ARMC2: variants seen among roughly 807,000 people sequenced by gnomAD.
The protein encoded by ARMC2 is armadillo repeat containing 2.
Under a neutral mutation model 90.3 loss-of-function variants are expected in ARMC2, and 67 were observed. That is an observed-to-expected ratio of 0.74 (90% CI 0.61 to 0.91). The LOEUF (loss-of-function observed/expected upper bound fraction) is 0.91. Ranked by LOEUF, ARMC2 falls within the 40% of genes least tolerant of loss-of-function variation. The pLI is 0.00. For missense variants in ARMC2, 920 were observed against 1,030.9 expected (o/e 0.89, Z 1.47); for synonymous variants, 393 against 393.0 (o/e 1.00, Z 0.00).
At chr6:108,969,908 G>A (rs1439986673) in intron 17 of ARMC2, among the ~76,000 whole-genome samples, 2 of 151,962 alleles carry the variant, frequency 1.3e-5, no homozygotes, top group African/African-American at 2.4e-5. Context: ...GGGTGTGTGT[G>A]TTTTGTAGTC....
the ARMC2 span, among the ~76,000 whole-genome samples, chr6:108,991,853 G>A: frequency 3.1e-4 from 47 of 152,216 alleles, no homozygotes; most frequent in Non-Finnish European, 5.7e-4. Flanking sequence ...TCAGAAGTAG[G>A]AATCTTTAGC....
At chr6:108,904,920 C>T (rs147703733) in intron 8 of ARMC2, among the ~76,000 whole-genome samples, 2 of 152,224 alleles carry the variant, frequency 1.3e-5, no homozygotes, top group East Asian at 3.9e-4. Context: ...GAAGGTACCT[C>T]AGTGGTCATA....
At chr6:108,952,001 C>T (rs1040921738) in intron 12 of ARMC2, among the ~76,000 whole-genome samples, 7 of 152,238 alleles carry the variant, frequency 4.6e-5, no homozygotes, top group Admixed American at 1.3e-4. Flanking sequence ...AAATCCTGAC[C>T]TTACCCTTCA....
the ARMC2 span, among the ~76,000 whole-genome samples, chr6:109,032,626 A>T: frequency 7.1e-6 from 1 of 141,452 alleles, no homozygotes; most frequent in Non-Finnish European, 1.5e-5. Flanking sequence ...TCGTGGGGGG[A>T]GTGGGGGGGA....
chr6:108,855,670 C>T (rs1774504301), intron 2 of ARMC2, among the ~76,000 whole-genome samples: 1 of 152,194 alleles, frequency 6.6e-6, no homozygotes. Flanking sequence ...TATCATTTTG[C>T]CTTCCCACCA....
intron 12 of ARMC2, among the ~76,000 whole-genome samples, chr6:108,939,849 A>T (rs1250117402): frequency 6.6e-6 from 1 of 152,200 alleles, no homozygotes; most frequent in Admixed American, 6.5e-5. Context: ...ATATTCAAAC[A>T]TATTGCATGT....
chr6:108,953,877 C>A (rs1777375334), intron 13 of ARMC2, among the ~76,000 whole-genome samples: 1 of 152,144 alleles, frequency 6.6e-6, no homozygotes, highest in Non-Finnish European at 1.5e-5. Context: ...TAACAAAATA[C>A]CACAGATTGG....
At chr6:109,052,954 C>G in the ARMC2 span, among the ~76,000 whole-genome samples, 1 of 151,990 alleles carries the variant, frequency 6.6e-6, no homozygotes, top group Non-Finnish European at 1.5e-5. Context: ...ATCAAACAAT[C>G]AATAAAGTAA....
chr6:109,032,566 C>T, the ARMC2 span, among the ~76,000 whole-genome samples: 277 of 147,502 alleles, frequency 1.9e-3, 2 homozygotes, highest in Admixed American at 5.0e-3. Flanking sequence ...TGCAATGAGC[C>T]GAGATTGGGC....
chr6:108,964,247 TCTC>T lies in ARMC2; in HGVS notation c.2224_2226del (p.Leu742del), dbSNP rs746533635. 1.2e-5 allele frequency: 20 copies of T among 1,613,968 alleles called. No individual in the cohort carries two copies. Among genetic ancestry groups the T allele is most frequent in the Admixed American group, 1.7e-5 (1 of 60,016 alleles). ...ATATCTGCTTTTCTGCCTGTGGTGT[TCTC>T]CTCAATCTCACTGTGGATAAAGACA... On this transcript the variant is annotated inframe_deletion, in exon 16 of 18. Transcript: ENST00000392644.
At chr6:108,970,537 G>A (rs1265843751) in intron 17 of ARMC2, among the ~76,000 whole-genome samples, 4 of 124,718 alleles carry the variant, frequency 3.2e-5, no homozygotes, top group Non-Finnish European at 4.8e-5. Flanking sequence ...TCTCACTGTC[G>A]CCCAGGCTGG....
intron 5 of ARMC2, among the ~76,000 whole-genome samples, chr6:108,883,136 A>G (rs879191356): frequency 6.6e-6 from 1 of 152,244 alleles, no homozygotes; most frequent in Admixed American, 6.5e-5. Flanking sequence ...AAGGAGAAGA[A>G]GACAGGCTGG....
At chr6:109,006,502 A>G in the ARMC2 span, among the ~76,000 whole-genome samples, 1 of 144,774 alleles carries the variant, frequency 6.9e-6, no homozygotes, top group Admixed American at 7.0e-5. Context: ...CCTGTGTCCA[A>G]GGAAAGCCCT....
chr6:108,964,420 T>C, intron 16 of ARMC2, 108 bp downstream of exon 16: 2 of 1,310,006 alleles, frequency 1.5e-6, no homozygotes, highest in Non-Finnish European at 2.1e-6. Flanking sequence ...TATTTCAACA[T>C]TGGGAAGCCC....
rs142922190 is a variant in ARMC2, at chr6:108,963,193, T to C, written c.2153-987T>C. Among the ~76,000 whole-genome samples the C allele has an allele frequency of 8.0e-3, 1,214 of 152,326 alleles. 25 individuals carry two copies. Among genetic ancestry groups the C allele is most frequent in the African/African-American group, 0.028 (1,159 of 41,578 alleles). ...AACTGAGTGGCAAGTACCCACATGTTTATACCCTTTGTATGTCTCAAATAT... is the reference window on the plus strand; with the variant it reads ...AACTGAGTGGCAAGTACCCACATGTCTATACCCTTTGTATGTCTCAAATAT... On this transcript the variant is annotated intron_variant, in intron 15 of 17. Transcript: ENST00000392644.
intron 10 of ARMC2, among the ~76,000 whole-genome samples, chr6:108,915,237 T>C (rs1050975035): frequency 5.9e-5 from 9 of 152,146 alleles, no homozygotes; most frequent in African/African-American, 2.2e-4. Flanking sequence ...ATTATAGGTG[T>C]GAGTTACTGT....
intron 13 of ARMC2, chr6:108,959,597 C>T (rs1457562502): frequency 6.6e-6 from 1 of 152,152 alleles, no homozygotes; most frequent in African/African-American, 2.4e-5. Flanking sequence ...AGGCGGTGGC[C>T]TGTTCAAGCT....
the ARMC2 span, chr6:108,994,524 T>C: frequency 6.2e-7 from 1 of 1,613,598 alleles, no homozygotes; most frequent in Non-Finnish European, 8.5e-7. Context: ...CATCTCTTCC[T>C]GACTTGCCTC....
chr6:108,973,493 C>T lies in ARMC2; in HGVS notation c.2583C>T (p.Pro861=), dbSNP rs747839510. The T allele has an allele frequency of 6.2e-7, 1 of 1,612,910 alleles. No individual in the cohort carries two copies. Among genetic ancestry groups the T allele is most frequent in the South Asian group, 1.1e-5 (1 of 90,924 alleles). ...RIQRHHTFLE[P]LPIPSF ...AGAGACATCACACCTTCCTGGAACC[C>T]CTGCCCATTCCCTCTTTCTAACATG... is the stretch of plus-strand genomic sequence containing the variant. Residue 861 remains proline (P), a synonymous_variant, in exon 18 of 18, where the codon CCC becomes CCT. Coordinates refer to ENST00000392644, the MANE Select transcript of ARMC2 (RefSeq NM_032131.6).
Sources: gnomAD v4.1 joint callset for allele counts (sites outside exome capture counted in the v4.1 genomes callset) on GRCh38, gnomAD v4.1.1 for gene constraint, MANE v1.5 for transcripts, NCBI Gene and HGNC (gene_info 2026-07-23, HGNC 2026-07-21) for gene names.